The following DTX4 variants were observed in gnomAD, a reference collection of about 807,000 sequenced individuals.
DTX4 encodes the protein deltex E3 ubiquitin ligase 4.
Under a neutral mutation model 57.6 loss-of-function variants are expected in DTX4, and 28 were observed. The observed-to-expected ratio is 0.49, with a 90% CI of 0.36 to 0.67. The LOEUF (loss-of-function observed/expected upper bound fraction) is 0.67, where lower values mean the gene tolerates loss of function less well. Among genes scored for constraint, DTX4 ranks in the 30% least tolerant of loss-of-function variants. DTX4 has a pLI of 0.00. For synonymous variants in DTX4, 316 were observed against 331.0 expected, an observed-to-expected ratio of 0.95 and a Z score of 0.49; for missense variants, 715 against 836.8, an observed-to-expected ratio of 0.85 and a Z score of 1.80.
chr11:59,175,751 A>T (rs1392577335), intron 1 of DTX4, among the ~76,000 whole-genome samples: 1 of 152,158 alleles, frequency 6.6e-6, no homozygotes, highest in Non-Finnish European at 1.5e-5. Flanking sequence ...ACCTTTCAGC[A>T]TGCCTGACCC....
In DTX4 at chr11:59,182,379, C is replaced by T. The variant is rs75403375; in HGVS notation, c.852C>T (p.Thr284=). 6,243 of 1,613,724 alleles carry T rather than the reference C, an allele frequency of 3.9e-3. 205 individuals are homozygous for T. The African/African-American group carries it at 0.073, about 19-fold the overall frequency. ...PASPPGPNSK[T]GRVALATLNR... is the part of the protein sequence containing the mutation. ...GTCCCCCAGGACCCAACAGCAAGAC[C>T]GGAAGGGTGGCCCTGGCCACCTTGA... The change falls in exon 2 of 9, where the codon ACC becomes ACT. Residue 284 remains threonine, a synonymous_variant. Transcript: ENST00000227451.
chr11:59,193,936 C>G (rs1223161394), intron 6 of DTX4, among the ~76,000 whole-genome samples: 1 of 152,240 alleles, frequency 6.6e-6, no homozygotes, highest in East Asian at 1.9e-4. Flanking sequence ...TGCGCAGCAG[C>G]ACATTTTACA....
At chr11:59,183,050 G>A (rs1862486200) in intron 2 of DTX4, among the ~76,000 whole-genome samples, 1 of 152,178 alleles carries the variant, frequency 6.6e-6, no homozygotes, top group Non-Finnish European at 1.5e-5. Flanking sequence ...CTATGAAGTA[G>A]GCAAGTAGGC....
At chr11:59,186,993 A>G (rs995016083) in intron 2 of DTX4, among the ~76,000 whole-genome samples, 7 of 152,172 alleles carry the variant, frequency 4.6e-5, no homozygotes, top group South Asian at 2.1e-4. Context: ...TGCACATGTC[A>G]TCATCCCTGG....
rs886801875 is a variant in DTX4 at position 59,207,958 on chromosome 11, T to G, written c.*3049T>G. ...ATGAGAAAACTGGGGGAAGGCTCAC[T>G]GGTACAAGAAAGGACCCCTGACCCC... On this transcript the variant is annotated 3_prime_UTR_variant, in exon 9 of 9. Transcript: ENST00000227451. 6.6e-6 allele frequency: 1 copy of G among 152,574 alleles called. No homozygotes were observed. The highest frequency in any genetic ancestry group is 1.9e-4 in the East Asian group (1 of 5,196). The allele number at this position is 152,574 out of a possible 1,614,324, so 9.5% of individuals were successfully genotyped here.
intron 7 of DTX4, among the ~76,000 whole-genome samples, chr11:59,196,978 C>T (rs1346315519): frequency 2.0e-5 from 3 of 152,222 alleles, no homozygotes; most frequent in Non-Finnish European, 4.4e-5. Context: ...GAAAAGTTGT[C>T]TTGCACAAAA....
In DTX4 at chr11:59,189,144, AT is replaced by A. The variant is rs1862564620; in HGVS notation, c.998-17del. The A allele has an allele frequency of 6.2e-7, 1 of 1,612,438 alleles. No individual in the cohort carries two copies. The highest frequency in any genetic ancestry group is 1.3e-5 in the African/African-American group (1 of 74,880). ...CTAAGTCTCCAGTCTTTCCTCACCC[AT>A]GCCCTGCCCCTTCCAGGAATCACTG... On this transcript the variant is annotated splice_polypyrimidine_tract_variant and intron_variant, in intron 3 of 8. Transcript: ENST00000227451.
intron 1 of DTX4, among the ~76,000 whole-genome samples, chr11:59,175,128 G>T (rs1862379610): frequency 6.6e-6 from 1 of 152,160 alleles, no homozygotes; most frequent in Non-Finnish European, 1.5e-5. Context: ...GCCATGACAG[G>T]GTAGGAACTT....
Position 59,172,517 on chromosome 11 carries a change from G to A in DTX4, c.-79G>A. The A allele has an allele frequency of 1.0e-6, 1 of 992,036 alleles. No individual in the cohort carries two copies. Among genetic ancestry groups the A allele is most frequent in the Non-Finnish European group, 1.3e-6 (1 of 776,944 alleles). 61.5% of individuals were successfully genotyped at this position (992,036 alleles called of 1,614,324 possible). On this transcript the variant is annotated 5_prime_UTR_variant, in exon 1 of 9. Transcript: ENST00000227451. ...GGCGCGGTCGAGGCCCGGAGGCGGC[G>A]GCGCAGGAGGAAGCGGAGGAGGTCG...
chr11:59,181,546 T>A (rs1353566988), intron 1 of DTX4, among the ~76,000 whole-genome samples, 193 bp from the exon 2 acceptor site: 1 of 152,204 alleles, frequency 6.6e-6, no homozygotes, highest in East Asian at 1.9e-4. Context: ...GCTTCTACCC[T>A]GGTTGGACTA....
rs188305201 is a variant in DTX4 at position 59,183,909 on chromosome 11, C to A, written c.935+1447C>A. Among the ~76,000 whole-genome samples the A allele has an allele frequency of 9.9e-4, 151 of 152,310 alleles. 2 individuals are homozygous for A. The South Asian group carries it at 0.016, about 16-fold the overall frequency. On this transcript the variant is annotated intron_variant, in intron 2 of 8. Coordinates refer to ENST00000227451, the MANE Select transcript of DTX4 (RefSeq NM_015177.2). Reference sequence around the variant, plus strand: ...CTTACTCTGTGATCTAAGTGTTAAGCACAGACATCCTGCTCAGAATTGATT... The same window carrying A: ...CTTACTCTGTGATCTAAGTGTTAAGAACAGACATCCTGCTCAGAATTGATT...
Position 59,205,163 on chromosome 11 carries a change from T to G in DTX4, c.*254T>G. 6.6e-6 allele frequency: 3 copies of G among 451,624 alleles called. No homozygotes were observed. Among genetic ancestry groups the G allele is most frequent in the Non-Finnish European group, 1.2e-5 (3 of 244,520 alleles). 28.0% of individuals were successfully genotyped at this position (451,624 alleles called of 1,614,324 possible). A position where few individuals can be genotyped will look rare whatever the true frequency, so the allele number is the denominator to read the frequency against. ...CCTGGGTCTGTTCCCATGGAGTTTT[T>G]GGTGCTGGGTAGGCAGGAATCCCCT... On this transcript the variant is annotated 3_prime_UTR_variant, in exon 9 of 9. Transcript: ENST00000227451.
intron 7 of DTX4, among the ~76,000 whole-genome samples, chr11:59,198,856 T>C (rs918408636): frequency 1.3e-5 from 2 of 152,188 alleles, no homozygotes; most frequent in Non-Finnish European, 2.9e-5. Context: ...GATTTGGTCA[T>C]TGTTACCGGG....
At chr11:59,204,068 A>T (rs1277998226) in intron 8 of DTX4, among the ~76,000 whole-genome samples, 7 of 151,968 alleles carry the variant, frequency 4.6e-5, no homozygotes, top group African/African-American at 1.4e-4. Context: ...TTTTTTTTTT[A>T]ATTTAACTGA....
At chr11:59,179,421 T>C (rs971038539) in intron 1 of DTX4, among the ~76,000 whole-genome samples, 1 of 152,210 alleles carries the variant, frequency 6.6e-6, no homozygotes, top group Non-Finnish European at 1.5e-5. Flanking sequence ...TTTGTACCCT[T>C]TCCCAATTGA....
intron 7 of DTX4, among the ~76,000 whole-genome samples, chr11:59,197,058 G>T (rs975443547): frequency 1.3e-5 from 2 of 152,210 alleles, no homozygotes; most frequent in Non-Finnish European, 2.9e-5. Context: ...TTTGGAGCCT[G>T]ATTTCTTCAC....
Position 59,172,451 on chromosome 11 carries a change from C to T in DTX4, c.-145C>T. ...CACGGCTGGGGAGGAGCCCATGGGC[C>T]GGAGCTGAGGCTGCCCGGGGCGGCG... On this transcript the variant is annotated 5_prime_UTR_variant, in exon 1 of 9. Transcript: ENST00000227451. 3.7e-6 allele frequency: 1 copy of T among 268,816 alleles called. No homozygotes were observed. Among genetic ancestry groups the T allele is most frequent in the Non-Finnish European group, 6.1e-6 (1 of 163,682 alleles). 16.7% of individuals were successfully genotyped at this position (268,816 alleles called of 1,614,324 possible).
At chr11:59,188,891 G>C (rs1230985807) in intron 3 of DTX4, 95 bp downstream of exon 3, 5 of 1,227,454 alleles carry the variant, frequency 4.1e-6, no homozygotes, top group African/African-American at 1.5e-5. Flanking sequence ...AGAGAATCTA[G>C]ATATTAATGA....
intron 5 of DTX4, among the ~76,000 whole-genome samples, chr11:59,191,402 C>A (rs576759025): frequency 2.5e-4 from 38 of 152,342 alleles, no homozygotes; most frequent in Middle Eastern, 3.4e-3. Flanking sequence ...TGTTTTTAAG[C>A]TACCTTAACA....
Sources: gnomAD v4.1 joint callset for allele counts (sites outside exome capture counted in the v4.1 genomes callset) on GRCh38, gnomAD v4.1.1 for gene constraint, MANE v1.5 for transcripts, NCBI Gene and HGNC (gene_info 2026-07-23, HGNC 2026-07-21) for gene names.